PRELID2: variants seen among roughly 807,000 people sequenced by gnomAD.
PRELID2 encodes the protein PRELI domain-containing protein 2.
Under a neutral mutation model 28.4 loss-of-function variants are expected in PRELID2, and 25 were observed. That is an observed-to-expected ratio of 0.88 (90% CI 0.64 to 1.23). The LOEUF is 1.23. Among genes scored for constraint, PRELID2 ranks in the 50% most tolerant of loss-of-function variants. The pLI is 0.00. For missense variants in PRELID2, 201 were observed against 214.4 expected (o/e 0.94, Z 0.39); for synonymous variants, 76 against 71.6 (o/e 1.06, Z -0.31).
the PRELID2 span, among the ~76,000 whole-genome samples, chr5:145,395,758 G>C: frequency 3.3e-5 from 5 of 152,078 alleles, no homozygotes; most frequent in Admixed American, 6.6e-5. Flanking sequence ...AAAGACAGGA[G>C]AGGCAATGCA....
At chr5:145,258,557 A>G in the PRELID2 span, among the ~76,000 whole-genome samples, 12,571 of 152,248 alleles carry the variant, frequency 0.083, 1,122 homozygotes, top group African/African-American at 0.23. Context: ...CTTTTACCTC[A>G]AGAGTCATAA....
the PRELID2 span, among the ~76,000 whole-genome samples, chr5:145,418,664 G>A: frequency 6.6e-6 from 1 of 152,240 alleles, no homozygotes; most frequent in Admixed American, 6.5e-5. Flanking sequence ...GCAATAAATG[G>A]TGCTGGGAGA....
intron 1 of PRELID2, among the ~76,000 whole-genome samples, chr5:145,631,069 T>C (rs1016743566): frequency 2.0e-5 from 3 of 152,140 alleles, no homozygotes; most frequent in African/African-American, 7.2e-5. Context: ...AAAGAAGTGA[T>C]TGTGAATGTA....
intron 1 of PRELID2, among the ~76,000 whole-genome samples, chr5:145,618,664 G>A (rs1013651794): frequency 6.6e-6 from 1 of 152,214 alleles, no homozygotes; most frequent in African/African-American, 2.4e-5. Flanking sequence ...TTGGCCTCCT[G>A]CCAGGAGGTG....
chr5:145,417,958 T>C, the PRELID2 span, among the ~76,000 whole-genome samples: 1 of 152,214 alleles, frequency 6.6e-6, no homozygotes, highest in African/African-American at 2.4e-5. Context: ...AGTCAAATTA[T>C]CTTTGCAGAT....
At chr5:145,746,712 C>T (rs1405927583) in intron 1 of PRELID2, among the ~76,000 whole-genome samples, 1 of 152,194 alleles carries the variant, frequency 6.6e-6, no homozygotes, top group Non-Finnish European at 1.5e-5. Flanking sequence ...CTCTCCACCC[C>T]AAATCAACAG....
chr5:145,482,994 A>T (rs547511939), intron 1 of PRELID2, among the ~76,000 whole-genome samples: 1 of 151,998 alleles, frequency 6.6e-6, no homozygotes, highest in African/African-American at 2.4e-5. Context: ...CTCACCTGCC[A>T]CTCACCTCCT....
At chr5:145,614,352 G>A (rs1293569169) in intron 1 of PRELID2, among the ~76,000 whole-genome samples, 1 of 152,202 alleles carries the variant, frequency 6.6e-6, no homozygotes, top group Non-Finnish European at 1.5e-5. Flanking sequence ...CTAATTCTAT[G>A]AAGAGTGATG....
At chr5:145,335,367 T>C in the PRELID2 span, among the ~76,000 whole-genome samples, 5 of 152,102 alleles carry the variant, frequency 3.3e-5, no homozygotes. Flanking sequence ...GTATTGTTTT[T>C]CCTGGTATTA....
At chr5:145,608,233 T>A (rs1397342786) in intron 1 of PRELID2, among the ~76,000 whole-genome samples, 1 of 151,938 alleles carries the variant, frequency 6.6e-6, no homozygotes. Context: ...TTTTAATTGC[T>A]CATTAACATT....
intron 1 of PRELID2, among the ~76,000 whole-genome samples, chr5:145,596,099 C>CAAAAAAAAAAAAAAAAAAAAAAAAAAAA (rs552746530): frequency 9.1e-5 from 4 of 43,980 alleles, no homozygotes; most frequent in African/African-American, 1.9e-4. Context: ...GAGCCTGTCT[C>CAAAAAAAAAAAAAAAAAAAAAAAAAAAA]AAAAAAAAAA....
the PRELID2 span, among the ~76,000 whole-genome samples, chr5:145,403,237 T>A: frequency 6.6e-6 from 1 of 152,124 alleles, no homozygotes; most frequent in Non-Finnish European, 1.5e-5. Context: ...GCTTTGAAAG[T>A]AGTTTTAAAA....
At position 145,671,105 on chromosome 5, in the gene PRELID2, G is replaced by A. The variant is rs547469094; in HGVS notation, n.70+93826C>T. 7.9e-5 allele frequency among the ~76,000 whole-genome samples: 12 copies of A among 152,188 alleles called. No homozygotes were observed. The South Asian group carries it at 1.0e-3, about 13-fold the overall frequency. The stretch of plus-strand genomic sequence containing the variant: ...AAATGGGAGCTATTGTTAACAAACC[G>A]AATTTCCTATAATGACAAAAATGTT... On this transcript the variant is annotated intron_variant and non_coding_transcript_variant, in intron 1 of 2. Transcript: ENST00000510259.
intron 1 of PRELID2, among the ~76,000 whole-genome samples, chr5:145,628,375 G>T (rs920535966): frequency 1.3e-5 from 2 of 152,052 alleles, no homozygotes; most frequent in African/African-American, 4.8e-5. Flanking sequence ...CCAGGCTGGA[G>T]TGCAGTGGCG....
the PRELID2 span, among the ~76,000 whole-genome samples, chr5:145,289,498 GT>G: frequency 6.6e-6 from 1 of 152,074 alleles, no homozygotes; most frequent in Non-Finnish European, 1.5e-5. Flanking sequence ...GCATCCATTT[GT>G]TTAAGGACAT....
the PRELID2 span, among the ~76,000 whole-genome samples, chr5:145,434,476 A>G: frequency 6.6e-6 from 1 of 152,230 alleles, no homozygotes; most frequent in African/African-American, 2.4e-5. Context: ...GTACAGAGAC[A>G]CAGACACACC....
intron 1 of PRELID2, among the ~76,000 whole-genome samples, chr5:145,711,899 G>T (rs1489174144): frequency 6.6e-6 from 1 of 152,194 alleles, no homozygotes; most frequent in Non-Finnish European, 1.5e-5. Flanking sequence ...CAGTAAGTTG[G>T]CAGCCAGACT....
chr5:145,741,219 TATATATATAATATATA>T (rs1161792207), intron 1 of PRELID2, among the ~76,000 whole-genome samples: 3 of 29,194 alleles, frequency 1.0e-4, no homozygotes, highest in Non-Finnish European at 1.4e-4. Context: ...ATATATAAAA[TATATATATAATATATA>T]ATATAAATAT....
the PRELID2 span, among the ~76,000 whole-genome samples, chr5:145,234,797 G>A: frequency 5.3e-5 from 8 of 152,158 alleles, no homozygotes; most frequent in South Asian, 8.3e-4. Flanking sequence ...ACATAGAAGC[G>A]CATAGCTGGA....
Sources: gnomAD v4.1 joint callset for allele counts (sites outside exome capture counted in the v4.1 genomes callset) on GRCh38, gnomAD v4.1.1 for gene constraint, MANE v1.5 for transcripts, NCBI Gene and HGNC (gene_info 2026-07-23, HGNC 2026-07-21) for gene names.